The following CLIC6 variants were observed in gnomAD, a reference collection of about 807,000 sequenced individuals.
CLIC6 encodes the protein CLIC family member 6.
In CLIC6, 39 loss-of-function variants were observed where a neutral mutation model predicts 49.2. The ratio of observed to expected loss-of-function variants is 0.79; its 90% CI spans 0.61 to 1.04. CLIC6 has a LOEUF of 1.04. Among genes scored for constraint, CLIC6 ranks in the 50% least tolerant of loss-of-function variants. The pLI is 0.00. For missense variants in CLIC6, 988 were observed against 993.1 expected (o/e 0.99, Z 0.07); for synonymous variants, 446 against 433.4 (o/e 1.03, Z -0.36).
Position 34,670,322 on chromosome 21 carries a change from G to A in CLIC6, c.934G>A (p.Glu312Lys), listed in dbSNP as rs1022529541. Residue 312 changes from glutamate (E) to lysine (K), a missense_variant, in exon 1 of 6, where the codon GAG becomes AAG. Physicochemically the swap from Glu to Lys is moderately conservative, Grantham distance 56. Coordinates refer to ENST00000349499, the MANE Select transcript of CLIC6 (RefSeq NM_053277.3). ...CCTCTCGCCCCAGGCCGAGGCAATTGAGGTCGCAGCCGGGGAGAGTGCGGG... is the reference window on the plus strand; with the variant it reads ...CCTCTCGCCCCAGGCCGAGGCAATTAAGGTCGCAGCCGGGGAGAGTGCGGG... Reference protein sequence around the residue: ...GSLSPQAEAIEVAAGESAGRS... With the variant: ...GSLSPQAEAIKVAAGESAGRS... 1.4e-6 allele frequency: 2 copies of A among 1,447,118 alleles called. No individual in the cohort carries two copies. The highest frequency in any genetic ancestry group is 5.6e-5 in the Admixed American group (2 of 35,588). 89.6% of individuals were successfully genotyped at this position (1,447,118 alleles called of 1,614,324 possible). A position where few individuals can be genotyped will look rare whatever the true frequency, so the allele number is the denominator to read the frequency against.
In CLIC6 at chr21:34,708,046, A is replaced by G. The variant is rs767061000; in HGVS notation, c.1587A>G (p.Leu529=). 5.0e-6 allele frequency: 8 copies of G among 1,614,138 alleles called. No individual in the cohort carries two copies. In the South Asian group the frequency reaches 8.8e-5, roughly 18 times the overall value. Reference sequence around the variant, plus strand: ...ATGTGAATAAGATCGAGGAGTTCTTAGAGGAGAAATTAGCTCCCCCGAGGT... The same window carrying G: ...ATGTGAATAAGATCGAGGAGTTCTTGGAGGAGAAATTAGCTCCCCCGAGGT... ...KTDVNKIEEF[L]EEKLAPPRYP... is the part of the protein sequence containing the mutation. The change falls in exon 3 of 6, where the codon TTA becomes TTG. Residue 529 remains leucine (L), a synonymous_variant. Transcript: ENST00000349499.
At chr21:34,682,772 G>A (rs1989801698) in intron 1 of CLIC6, among the ~76,000 whole-genome samples, 1 of 147,918 alleles carries the variant, frequency 6.8e-6, no homozygotes, top group Admixed American at 6.7e-5. Flanking sequence ...TGAAGAATCA[G>A]GTATTTCCAG....
At chr21:34,671,121 T>TA (rs58413747) in intron 1 of CLIC6, among the ~76,000 whole-genome samples, 2,730 of 115,904 alleles carry the variant, frequency 0.024, 52 homozygotes, top group African/African-American at 0.048. Flanking sequence ...ACTAAAAAGT[T>TA]AAAAAAAAAA....
chr21:34,692,798 C>T (rs78817251), intron 1 of CLIC6, among the ~76,000 whole-genome samples: 2,118 of 152,278 alleles, frequency 0.014, 53 homozygotes, highest in African/African-American at 0.049. Context: ...GGTGCCTCCC[C>T]GGACCCCCAC....
chr21:34,679,900 G>A (rs537922494), intron 1 of CLIC6, among the ~76,000 whole-genome samples: 2 of 152,346 alleles, frequency 1.3e-5, no homozygotes, highest in South Asian at 4.1e-4. Context: ...TGCTTTCACG[G>A]ACTGGTGTTG....
Position 34,707,798 on chromosome 21 carries a change from C to T in CLIC6, c.1485-146C>T, listed in dbSNP as rs1207941535. On this transcript the variant is annotated intron_variant, in intron 2 of 5. Transcript: ENST00000349499. ...TTAATGAATGCCTTTACTTTCATCG[C>T]CAGCAAGACATTTTCATAAACCCAC... 3.7e-6 allele frequency: 3 copies of T among 810,186 alleles called. No homozygotes were observed. The African/African-American group carries it at 5.2e-5, about 14-fold the overall frequency. 50.2% of individuals were successfully genotyped at this position (810,186 alleles called of 1,614,324 possible).
At chr21:34,702,165 C>T (rs562824628) in intron 1 of CLIC6, among the ~76,000 whole-genome samples, 14 of 152,088 alleles carry the variant, frequency 9.2e-5, no homozygotes, top group Non-Finnish European at 2.1e-4. Flanking sequence ...CCCTGATGAC[C>T]GAAGATGGGG....
rs575214552 is a variant in CLIC6 at position 34,714,953 on chromosome 21, G to A, written c.1900-1368G>A. Among the ~76,000 whole-genome samples, 7 of 152,258 alleles carry A rather than the reference G, an allele frequency of 4.6e-5. No individual in the cohort carries two copies. In the East Asian group the frequency reaches 5.8e-4, roughly 13 times the overall value. ...AGGTACATACAAACAAAAGTAAAAC[G>A]GACTTCTTAACATGAGCATCAAGAA... is the stretch of plus-strand genomic sequence containing the variant. On this transcript the variant is annotated intron_variant, in intron 5 of 5. Coordinates refer to ENST00000349499, the MANE Select transcript of CLIC6 (RefSeq NM_053277.3).
In CLIC6 at chr21:34,716,862, T is replaced by TCTCTCTCTCTCTCTCTCTCTCTCTCA; in HGVS notation, c.*381_*382insTCTCTCTCTCTCTCTCTCTCTCTCAC. On this transcript the variant is annotated 3_prime_UTR_variant, in exon 6 of 6. Coordinates refer to ENST00000349499, the MANE Select transcript of CLIC6 (RefSeq NM_053277.3). Reference sequence around the variant, plus strand: ...CTCTCTCTCTCTCTCTCTCTCTCTATCACACACACACACACACACACACAC... The same window carrying TCTCTCTCTCTCTCTCTCTCTCTCTCA: ...CTCTCTCTCTCTCTCTCTCTCTCTATCTCTCTCTCTCTCTCTCTCTCTCTCACACACACACACACACACACACACAC... The TCTCTCTCTCTCTCTCTCTCTCTCTCA allele has an allele frequency of 2.3e-5, 3 of 131,634 alleles. No individual in the cohort carries two copies. Among genetic ancestry groups the TCTCTCTCTCTCTCTCTCTCTCTCTCA allele is most frequent in the African/African-American group, 9.6e-5 (3 of 31,214 alleles). 8.2% of individuals were successfully genotyped at this position (131,634 alleles called of 1,614,324 possible).
chr21:34,709,500 GCTGA>G lies in CLIC6; in HGVS notation c.1865_1868del (p.Asp622AlafsTer26). Reference sequence around the variant, plus strand: ...TCTGGATGGGGACGAGCTGACGCTGGCTGACTGCAACCTCTTACCCAAGCTCCAT... The same window carrying G: ...TCTGGATGGGGACGAGCTGACGCTGGCTGCAACCTCTTACCCAAGCTCCAT... On this transcript the variant is annotated frameshift_variant, in exon 5 of 6. Coordinates refer to ENST00000349499, the MANE Select transcript of CLIC6 (RefSeq NM_053277.3). LOFTEE classifies it high-confidence loss of function. 1 of 1,613,962 alleles carries G rather than the reference GCTGA, an allele frequency of 6.2e-7. No homozygotes were observed. Among genetic ancestry groups the G allele is most frequent in the Non-Finnish European group, 8.5e-7 (1 of 1,179,846 alleles).
At chr21:34,706,089 T>C in intron 1 of CLIC6, 1 of 682,442 alleles carries the variant, frequency 1.5e-6, no homozygotes. Flanking sequence ...GAGTGGGTAA[T>C]TTATAAAGAA....
intron 1 of CLIC6, among the ~76,000 whole-genome samples, chr21:34,687,187 G>T (rs1192252564): frequency 6.6e-6 from 1 of 152,102 alleles, no homozygotes; most frequent in Non-Finnish European, 1.5e-5. Flanking sequence ...TAAAGGGGAG[G>T]GGGCAATCAG....
In CLIC6 at chr21:34,708,694, T is replaced by G; in HGVS notation, c.1611-6T>G. ...TCTGTGATCCTCCAATTTTGAACTT[T>G]TCAAGGTATCCCAAGCTGGGGACCC... On this transcript the variant is annotated splice_region_variant and splice_polypyrimidine_tract_variant and intron_variant, in intron 3 of 5. Coordinates refer to ENST00000349499, the MANE Select transcript of CLIC6 (RefSeq NM_053277.3). The G allele has an allele frequency of 6.2e-7, 1 of 1,609,360 alleles. No homozygotes were observed. The highest frequency in any genetic ancestry group is 2.2e-5 in the East Asian group (1 of 44,840).
At position 34,712,374 on chromosome 21, in the gene CLIC6, C is replaced by T. The variant is rs191725769; in HGVS notation, c.1899+2836C>T. Among the ~76,000 whole-genome samples the T allele has an allele frequency of 2.2e-3, 331 of 152,304 alleles. 2 individuals are homozygous for T. The highest frequency in any genetic ancestry group is 7.4e-3 in the African/African-American group (306 of 41,576). ...AAACTACAAAGGGATGACAGATCAT[C>T]GACTTAAAGAGTAGGAAGCTTCTTT... On this transcript the variant is annotated intron_variant, in intron 5 of 5. Transcript: ENST00000349499.
At chr21:34,715,726 G>T (rs1049910705) in intron 5 of CLIC6, among the ~76,000 whole-genome samples, 4 of 152,220 alleles carry the variant, frequency 2.6e-5, no homozygotes, top group Admixed American at 2.6e-4. Flanking sequence ...TCTCTCGACT[G>T]CTTCTTCCTT....
At chr21:34,678,302 C>T (rs573522640) in intron 1 of CLIC6, among the ~76,000 whole-genome samples, 379 of 149,858 alleles carry the variant, frequency 2.5e-3, no homozygotes, top group African/African-American at 8.9e-3. Flanking sequence ...GTCACCCGGG[C>T]GTGGTGGCGT....
At chr21:34,704,271 C>T (rs908702709) in intron 1 of CLIC6, among the ~76,000 whole-genome samples, 8 of 152,148 alleles carry the variant, frequency 5.3e-5, no homozygotes, top group Non-Finnish European at 7.3e-5. Flanking sequence ...GGCGTATCTT[C>T]GCCTTTATTT....
At chr21:34,697,028 G>GGACA (rs1481073299) in intron 1 of CLIC6, among the ~76,000 whole-genome samples, 2 of 151,976 alleles carry the variant, frequency 1.3e-5, no homozygotes, top group Non-Finnish European at 2.9e-5. Context: ...GATTGGACTT[G>GGACA]GACAGAGATT....
intron 1 of CLIC6, among the ~76,000 whole-genome samples, chr21:34,684,485 A>C (rs1989838659): frequency 6.6e-6 from 1 of 152,258 alleles, no homozygotes; most frequent in South Asian, 2.1e-4. Flanking sequence ...TGGATGTATG[A>C]ATGACAGCCA....
Sources: allele counts gnomAD v4.1 joint callset (sites outside exome capture counted in the v4.1 genomes callset), GRCh38; gene constraint gnomAD v4.1.1; transcripts MANE v1.5; gene names NCBI Gene and HGNC (gene_info 2026-07-23, HGNC 2026-07-21).